LPIN2: variants seen among roughly 807,000 people sequenced by gnomAD.
The protein encoded by LPIN2 is phosphatidate phosphatase LPIN2.
Under a neutral mutation model 111.4 loss-of-function variants are expected in LPIN2, and 55 were observed. The observed-to-expected ratio is 0.49, with a 90% CI of 0.40 to 0.62. LPIN2 has a LOEUF of 0.62. Ranked by LOEUF, LPIN2 falls within the 20% of genes least tolerant of loss-of-function variation. LPIN2 has a pLI of 0.00. For synonymous variants in LPIN2, 425 were observed against 414.0 expected (o/e 1.03, Z -0.32); for missense variants, 992 against 1,112.1 (o/e 0.89, Z 1.54).
At position 2,920,286 on chromosome 18, in the gene LPIN2, T is replaced by C; in HGVS notation, c.*7A>G. 6.2e-7 allele frequency: 1 copy of C among 1,613,984 alleles called. No homozygotes were observed. The highest frequency in any genetic ancestry group is 8.5e-7 in the Non-Finnish European group (1 of 1,180,022). On this transcript the variant is annotated 3_prime_UTR_variant, in exon 20 of 20. Transcript: ENST00000677752. ...ACCAAGCCCTGCCCACCCACTGAGGTGCCGCCTCAAGACAGGTCATCCAGG... is the reference window on the plus strand; with the variant it reads ...ACCAAGCCCTGCCCACCCACTGAGGCGCCGCCTCAAGACAGGTCATCCAGG...
intron 6 of LPIN2, 120 bp from the exon 7 acceptor site, chr18:2,938,157 G>C (rs1309161045): frequency 1.4e-6 from 1 of 736,710 alleles, no homozygotes; most frequent in Non-Finnish European, 2.3e-6. Context: ...AAGTATCTTA[G>C]TTTGTACATG....
rs536913334 is a variant in LPIN2, at chr18:2,922,038, G to A, written c.2327+9C>T. On this transcript the variant is annotated intron_variant, in intron 17 of 19. Coordinates refer to ENST00000677752, the MANE Select transcript of LPIN2 (RefSeq NM_001375808.2). The stretch of plus-strand genomic sequence containing the variant: ...GCGGTGGGCAGAGGGCTGCCTGCCG[G>A]AGAGGTACCTGTGGAAGGCGGAGAA... 3.7e-6 allele frequency: 6 copies of A among 1,610,688 alleles called. No individual in the cohort carries two copies. The highest frequency in any genetic ancestry group is 3.3e-5 in the Admixed American group (2 of 59,860).
intron 1 of LPIN2, chr18:2,982,611 A>T: frequency 1.4e-6 from 1 of 728,316 alleles, no homozygotes; most frequent in Admixed American, 2.4e-5. Context: ...GTCTCTCAGT[A>T]GTGTCCAGAT....
chr18:2,956,301 T>C (rs1288767554), intron 2 of LPIN2, among the ~76,000 whole-genome samples: 1 of 133,080 alleles, frequency 7.5e-6, no homozygotes, highest in Admixed American at 8.3e-5. Flanking sequence ...TTTTCATATA[T>C]AGATGCAGGG....
chr18:2,951,598 C>T (rs919227603), intron 3 of LPIN2, among the ~76,000 whole-genome samples: 1 of 152,178 alleles, frequency 6.6e-6, no homozygotes, highest in Non-Finnish European at 1.5e-5. Flanking sequence ...TCTGAAGGAA[C>T]TGACATGCCA....
chr18:2,968,323 A>T (rs2077842027), intron 1 of LPIN2, among the ~76,000 whole-genome samples: 1 of 152,164 alleles, frequency 6.6e-6, no homozygotes, highest in Non-Finnish European at 1.5e-5. Context: ...TAACTCAGAA[A>T]CAATCACAAA....
rs776274863 is a variant in LPIN2 at position 2,937,965 on chromosome 18, G to A, written c.895C>T (p.Arg299Trp). 16 of 1,614,136 alleles carry A rather than the reference G, an allele frequency of 9.9e-6. No homozygotes were observed. Among genetic ancestry groups the A allele is most frequent in the Middle Eastern group, 1.6e-4 (1 of 6,062 alleles). The part of the protein sequence containing the change: ...TITPSENTHF[R>W]VIPSEDNLIS... Reference sequence around the variant, plus strand: ...AGGTTGTCCTCACTGGGAATTACCCGAAAATGAGTATTTTCTGATGGTGTA... The same window carrying A: ...AGGTTGTCCTCACTGGGAATTACCCAAAAATGAGTATTTTCTGATGGTGTA... The change falls in exon 7 of 20, where the codon CGG becomes TGG. Residue 299 changes from arginine (R) to tryptophan (W), a missense_variant. Transcript: ENST00000677752.
chr18:2,975,160 A>AC (rs1304975664), intron 1 of LPIN2, among the ~76,000 whole-genome samples: 1 of 152,222 alleles, frequency 6.6e-6, no homozygotes, highest in Non-Finnish European at 1.5e-5. Flanking sequence ...TTACCCAGAG[A>AC]CATGACCAGA....
intron 1 of LPIN2, among the ~76,000 whole-genome samples, chr18:2,969,184 AAGATG>A (rs2077862295): frequency 6.6e-6 from 1 of 152,250 alleles, no homozygotes; most frequent in Admixed American, 6.5e-5. Flanking sequence ...ACTAATTATG[AAGATG>A]AGCCAGGTTA....
chr18:2,937,666 T>A (rs779591006), intron 7 of LPIN2, 26 bp downstream of exon 7: 1 of 1,593,072 alleles, frequency 6.3e-7, no homozygotes, highest in Admixed American at 1.7e-5. Context: ...TGAGAGTACC[T>A]GGAGCCAAAT....
intron 4 of LPIN2, among the ~76,000 whole-genome samples, chr18:2,944,628 G>A (rs2077421217): frequency 6.6e-6 from 1 of 152,040 alleles, no homozygotes; most frequent in Admixed American, 6.5e-5. Context: ...GGGATTACAG[G>A]CATGAGCCAC....
intron 1 of LPIN2, chr18:2,979,210 T>C (rs1598594193): frequency 6.6e-6 from 1 of 152,244 alleles, no homozygotes; most frequent in East Asian, 1.9e-4. Flanking sequence ...GCCTCACTTT[T>C]TGGGACACCT....
intron 4 of LPIN2, among the ~76,000 whole-genome samples, chr18:2,942,749 A>T (rs923267372): frequency 2.0e-5 from 3 of 152,244 alleles, no homozygotes; most frequent in African/African-American, 7.2e-5. Flanking sequence ...TTATTAAAAT[A>T]GAAATTCCAG....
intron 1 of LPIN2, among the ~76,000 whole-genome samples, chr18:2,995,986 C>T (rs1391085360): frequency 1.3e-5 from 2 of 152,136 alleles, no homozygotes; most frequent in East Asian, 1.9e-4. Flanking sequence ...ATGTGTATAA[C>T]GGAGGACAAA....
In LPIN2 at chr18:2,954,565, A is replaced by G. The variant is rs1272411686; in HGVS notation, c.227T>C (p.Leu76Pro). 1 of 1,613,796 alleles carries G rather than the reference A, an allele frequency of 6.2e-7. No homozygotes were observed. The highest frequency in any genetic ancestry group is 8.5e-7 in the Non-Finnish European group (1 of 1,179,734). Reference sequence around the variant, plus strand: ...TCCGTTATCACCCAACTTCATGTGAAGATCCACTGCACTGCCGTTGATTTC... The same window carrying G: ...TCCGTTATCACCCAACTTCATGTGAGGATCCACTGCACTGCCGTTGATTTC... ...DIEINGSAVD[L>P]HMKLGDNGEA... is the part of the protein sequence containing the mutation. Residue 76 changes from leucine to proline, a missense_variant, in exon 3 of 20, where the codon CTT (leucine) becomes CCT (proline). By Grantham distance (98) the Leu-to-Pro change is moderately conservative. Coordinates refer to ENST00000677752, the MANE Select transcript of LPIN2 (RefSeq NM_001375808.2).
At chr18:2,972,592 G>C (rs1388599882) in intron 1 of LPIN2, among the ~76,000 whole-genome samples, 1 of 152,102 alleles carries the variant, frequency 6.6e-6, no homozygotes, top group Non-Finnish European at 1.5e-5. Context: ...ATAGAACCTG[G>C]TACAGAGCAA....
intron 1 of LPIN2, among the ~76,000 whole-genome samples, chr18:3,005,214 G>A (rs1461629042): frequency 6.6e-6 from 1 of 152,098 alleles, no homozygotes; most frequent in Non-Finnish European, 1.5e-5. Context: ...GCAGCGTTTG[G>A]TGGCAGGTGC....
chr18:2,956,578 C>T (rs1417874112), intron 2 of LPIN2, among the ~76,000 whole-genome samples: 1 of 152,196 alleles, frequency 6.6e-6, no homozygotes, highest in Non-Finnish European at 1.5e-5. Context: ...CTGATGGGAG[C>T]ATTTCAAAGG....
intron 1 of LPIN2, among the ~76,000 whole-genome samples, chr18:3,006,381 C>T (rs573493142): frequency 6.6e-6 from 1 of 152,226 alleles, no homozygotes; most frequent in Middle Eastern, 3.4e-3. Flanking sequence ...GTTAGAAAAT[C>T]CTGCAACAGA....
Sources: gnomAD v4.1 joint callset for allele counts (sites outside exome capture counted in the v4.1 genomes callset) on GRCh38, gnomAD v4.1.1 for gene constraint, MANE v1.5 for transcripts, NCBI Gene and HGNC (gene_info 2026-07-23, HGNC 2026-07-21) for gene names.